The following ASPRV1 variants were observed in gnomAD, a reference collection of about 807,000 sequenced individuals.
ASPRV1 encodes the protein aspartic peptidase retroviral like 1.
Under a neutral mutation model 11.0 loss-of-function variants are expected in ASPRV1, and 7 were observed. The ratio of observed to expected loss-of-function variants is 0.64; its 90% CI spans 0.36 to 1.20. The LOEUF (loss-of-function observed/expected upper bound fraction) is 1.20, where lower values mean the gene tolerates loss of function less well. Ranked by LOEUF, ASPRV1 falls within the 50% of genes most tolerant of loss-of-function variation. The probability of loss-of-function intolerance (pLI) is 0.02; values close to 1 mark genes in which losing one functional copy is unlikely to be tolerated. For synonymous variants in ASPRV1, 136 were observed against 138.4 expected (o/e 0.98, Z 0.12); for missense variants, 299 against 320.0 (o/e 0.93, Z 0.50).
At chr2:70,015,041 C>T in the ASPRV1 span, among the ~76,000 whole-genome samples, 1 of 152,112 alleles carries the variant, frequency 6.6e-6, no homozygotes, top group Non-Finnish European at 1.5e-5. Context: ...CTCAACATCA[C>T]TAATCATTAG....
At chr2:69,968,066 A>C in the ASPRV1 span, among the ~76,000 whole-genome samples, 1 of 152,168 alleles carries the variant, frequency 6.6e-6, no homozygotes, top group Non-Finnish European at 1.5e-5. Flanking sequence ...TGGGTGACAG[A>C]GCAAGACTCT....
chr2:69,955,849 G>A (rs1163540462), downstream of ASPRV1, among the ~76,000 whole-genome samples: 2 of 152,104 alleles, frequency 1.3e-5, no homozygotes, highest in Non-Finnish European at 2.9e-5. Context: ...GGGAGAGAGA[G>A]AAATATAGAG....
chr2:70,032,593 G>T, the ASPRV1 span, among the ~76,000 whole-genome samples: 1 of 152,266 alleles, frequency 6.6e-6, no homozygotes, highest in East Asian at 1.9e-4. Context: ...AGGAGGTTAA[G>T]GCTACAGTAA....
the ASPRV1 span, among the ~76,000 whole-genome samples, chr2:69,999,853 C>G: frequency 6.6e-6 from 1 of 151,710 alleles, no homozygotes; most frequent in Admixed American, 6.6e-5. Flanking sequence ...CTGCCCTCCT[C>G]CGGGTCAGCA....
At chr2:70,087,082 A>C in the ASPRV1 span, 1 of 134,404 alleles carries the variant, frequency 7.4e-6, no homozygotes, top group African/African-American at 2.8e-5. Flanking sequence ...CCTCACGCGC[A>C]TGTTTTAAAC....
chr2:69,960,803 G>A lies in ASPRV1; in HGVS notation c.634C>T (p.Leu212=), dbSNP rs375026982. Residue 212 remains leucine, a synonymous_variant, in exon 1 of 1, where the codon CTG becomes TTG. Transcript: ENST00000320256. ...GTGCATGTGCGGTGCTCAAAGTCCA[G>A]GATAGCATTGTGGTCCTGGAGCACA... is the stretch of plus-strand genomic sequence containing the variant. ...TDVLQDHNAI[L]DFEHRTCTLK... The A allele has an allele frequency of 1.9e-6, 3 of 1,614,038 alleles. No homozygotes were observed. Among genetic ancestry groups the A allele is most frequent in the Admixed American group, 1.7e-5 (1 of 59,998 alleles).
chr2:69,946,698 A>G, the ASPRV1 span, among the ~76,000 whole-genome samples: 2 of 152,298 alleles, frequency 1.3e-5, no homozygotes, highest in East Asian at 1.9e-4. Context: ...AAGTGTTCAA[A>G]TATGTCATTC....
downstream of ASPRV1, among the ~76,000 whole-genome samples, chr2:69,957,205 G>C (rs1326535190): frequency 1.3e-5 from 2 of 151,744 alleles, no homozygotes; most frequent in Non-Finnish European, 2.9e-5. Flanking sequence ...TGTTGTTGTT[G>C]TTTTCCCCTA....
chr2:70,063,353 T>A, the ASPRV1 span, among the ~76,000 whole-genome samples: 1 of 152,202 alleles, frequency 6.6e-6, no homozygotes, highest in East Asian at 1.9e-4. Context: ...TACTTTTTGC[T>A]ATGCCTCACT....
chr2:69,948,957 C>G, the ASPRV1 span, among the ~76,000 whole-genome samples: 2 of 152,086 alleles, frequency 1.3e-5, no homozygotes, highest in Admixed American at 1.3e-4. Flanking sequence ...GCCGCTCCCC[C>G]CGGCACCTCG....
At chr2:69,972,291 G>C in the ASPRV1 span, among the ~76,000 whole-genome samples, 1 of 151,498 alleles carries the variant, frequency 6.6e-6, no homozygotes, top group African/African-American at 2.4e-5. Context: ...TCCAACTCTT[G>C]ACCTCGTGAT....
At chr2:70,001,040 C>T in the ASPRV1 span, among the ~76,000 whole-genome samples, 2 of 152,068 alleles carry the variant, frequency 1.3e-5, no homozygotes, top group East Asian at 3.9e-4. Context: ...GTGAAGGAGG[C>T]ACTCTCATAG....
chr2:69,980,603 A>G, the ASPRV1 span, among the ~76,000 whole-genome samples: 1 of 152,182 alleles, frequency 6.6e-6, no homozygotes, highest in African/African-American at 2.4e-5. Flanking sequence ...ATGAAATCCC[A>G]AAATATCTGG....
At chr2:69,977,387 G>A in the ASPRV1 span, among the ~76,000 whole-genome samples, 4 of 152,130 alleles carry the variant, frequency 2.6e-5, no homozygotes. Context: ...TCAGGGTTCC[G>A]TCATTGTTTT....
chr2:69,946,189 G>A, the ASPRV1 span, among the ~76,000 whole-genome samples: 8 of 152,282 alleles, frequency 5.3e-5, no homozygotes, highest in East Asian at 1.2e-3. Context: ...CCCAGAAGGC[G>A]GAAAAAACCA....
At chr2:70,058,244 T>A in the ASPRV1 span, among the ~76,000 whole-genome samples, 1 of 152,230 alleles carries the variant, frequency 6.6e-6, no homozygotes, top group African/African-American at 2.4e-5. Flanking sequence ...TTATTCATTT[T>A]ACGTGTTTAA....
At chr2:70,064,600 T>C in the ASPRV1 span, among the ~76,000 whole-genome samples, 4 of 152,036 alleles carry the variant, frequency 2.6e-5, no homozygotes. Flanking sequence ...CGCAAAGGCC[T>C]TGCAGCAAGA....
chr2:69,995,488 G>A, the ASPRV1 span: 1 of 152,190 alleles, frequency 6.6e-6, no homozygotes, highest in Non-Finnish European at 1.5e-5. Context: ...ATAAGCAGTG[G>A]TCGAAGAAGT....
At chr2:70,074,292 T>C in the ASPRV1 span, among the ~76,000 whole-genome samples, 1 of 147,586 alleles carries the variant, frequency 6.8e-6, no homozygotes, top group Non-Finnish European at 1.5e-5. Context: ...CTAGAGCAAC[T>C]GCTTTTTTTT....
Sources: gnomAD v4.1 joint callset for allele counts (sites outside exome capture counted in the v4.1 genomes callset) on GRCh38, gnomAD v4.1.1 for gene constraint, MANE v1.5 for transcripts, NCBI Gene and HGNC (gene_info 2026-07-23, HGNC 2026-07-21) for gene names.